The following CHRM5 variants were observed in gnomAD, a reference collection of about 807,000 sequenced individuals.
CHRM5 encodes cholinergic receptor muscarinic 5, also known as muscarinic acetylcholine receptor M5.
Under a neutral mutation model 39.0 loss-of-function variants are expected in CHRM5, and 18 were observed. That is an observed-to-expected ratio of 0.46 (90% CI 0.32 to 0.68). CHRM5 has a LOEUF of 0.68. Among genes scored for constraint, CHRM5 ranks in the 30% least tolerant of loss-of-function variants. CHRM5 has a pLI of 0.04. For synonymous variants in CHRM5, 241 were observed against 246.3 expected, an observed-to-expected ratio of 0.98 and a Z score of 0.20; for missense variants, 515 against 651.1, an observed-to-expected ratio of 0.79 and a Z score of 2.28.
At chr15:34,013,563 G>A (rs1041886514) in intron 1 of CHRM5, among the ~76,000 whole-genome samples, 3 of 152,156 alleles carry the variant, frequency 2.0e-5, no homozygotes, top group African/African-American at 7.2e-5. Context: ...AGTAGTTACT[G>A]ACTTCCAGCA....
chr15:34,029,899 T>C (rs886288670), intron 1 of CHRM5, among the ~76,000 whole-genome samples: 1 of 152,190 alleles, frequency 6.6e-6, no homozygotes, highest in African/African-American at 2.4e-5. Flanking sequence ...GTTGAAACAT[T>C]CTAGTCCTCA....
intron 1 of CHRM5, among the ~76,000 whole-genome samples, chr15:34,043,882 T>C (rs1044905359): frequency 6.6e-6 from 1 of 152,188 alleles, no homozygotes; most frequent in Admixed American, 6.5e-5. Flanking sequence ...TGTACCTATA[T>C]TGTCTGCCTT....
intron 2 of CHRM5, among the ~76,000 whole-genome samples, chr15:34,047,421 A>T (rs1359494051): frequency 6.6e-6 from 1 of 152,154 alleles, no homozygotes; most frequent in Non-Finnish European, 1.5e-5. Flanking sequence ...ATCCCTGGCA[A>T]GGCGGGAGGT....
intron 1 of CHRM5, among the ~76,000 whole-genome samples, chr15:34,014,383 AACAAAAAC>A (rs757731811): frequency 0.24 from 7,259 of 30,330 alleles, 753 homozygotes; most frequent in South Asian, 0.56. Context: ...AAAAAAAAAA[AACAAAAAC>A]AAAAACCACG....
At chr15:34,010,268 A>G (rs1473487062) in intron 1 of CHRM5, among the ~76,000 whole-genome samples, 1 of 152,192 alleles carries the variant, frequency 6.6e-6, no homozygotes, top group Non-Finnish European at 1.5e-5. Context: ...TGGCCCACCT[A>G]TGAACAGTAT....
chr15:34,038,404 G>A (rs1899256672), intron 1 of CHRM5, among the ~76,000 whole-genome samples: 1 of 152,214 alleles, frequency 6.6e-6, no homozygotes, highest in Non-Finnish European at 1.5e-5. Flanking sequence ...CCACGTCGTG[G>A]CCGCGCCTCC....
intron 1 of CHRM5, among the ~76,000 whole-genome samples, chr15:33,981,652 T>C (rs1896149954): frequency 1.3e-5 from 2 of 152,134 alleles, no homozygotes; most frequent in Admixed American, 1.3e-4. Context: ...TGGAATCAGA[T>C]TGAAAGGAAT....
At chr15:34,025,786 G>A (rs2702281) in intron 1 of CHRM5, among the ~76,000 whole-genome samples, 72,056 of 151,844 alleles carry the variant, frequency 0.47, 20,435 homozygotes, top group Non-Finnish European at 0.64. Context: ...GTGTGTGTGC[G>A]CATGTGTAAA....
chr15:34,010,670 AAG>A (rs1228889994), intron 1 of CHRM5, among the ~76,000 whole-genome samples: 2 of 152,238 alleles, frequency 1.3e-5, no homozygotes, highest in Non-Finnish European at 2.9e-5. Context: ...AGAAATGAGA[AAG>A]AACACATTTA....
chr15:33,970,850 CCTT>C (rs1266385267), intron 1 of CHRM5, among the ~76,000 whole-genome samples: 2 of 151,916 alleles, frequency 1.3e-5, no homozygotes, highest in Non-Finnish European at 2.9e-5. Context: ...CTATAACTCA[CCTT>C]CTAATGACAA....
rs60296280 is a variant in CHRM5 at position 34,035,039 on chromosome 15, C to G, written c.-407-11501C>G. On this transcript the variant is annotated intron_variant, in intron 1 of 2. Coordinates refer to ENST00000383263, the MANE Select transcript of CHRM5 (RefSeq NM_012125.4). ...ACACCTGCCTGTAACTGATCTGACA[C>G]CATTTCTTCCCTCCAGGTTCACACT... Among the ~76,000 whole-genome samples, 1,434 of 152,284 alleles carry G rather than the reference C, an allele frequency of 9.4e-3. 28 individuals are homozygous for G. The highest frequency in any genetic ancestry group is 0.033 in the African/African-American group (1,389 of 41,548).
intron 1 of CHRM5, among the ~76,000 whole-genome samples, chr15:33,977,452 C>T (rs1420896078): frequency 6.6e-6 from 1 of 152,108 alleles, no homozygotes; most frequent in African/African-American, 2.4e-5. Flanking sequence ...TAATGAATTC[C>T]GGTTTCAAAC....
chr15:34,007,933 T>G (rs1033594852), intron 1 of CHRM5, among the ~76,000 whole-genome samples: 1 of 152,228 alleles, frequency 6.6e-6, no homozygotes, highest in Non-Finnish European at 1.5e-5. Flanking sequence ...ATCTTCTCCA[T>G]TCTTATGAGG....
chr15:33,974,840 G>C (rs1408906106), intron 1 of CHRM5, among the ~76,000 whole-genome samples: 1 of 152,156 alleles, frequency 6.6e-6, no homozygotes, highest in African/African-American at 2.4e-5. Flanking sequence ...GGGTGTGGTG[G>C]TGCATGCCTG....
intron 1 of CHRM5, among the ~76,000 whole-genome samples, chr15:34,003,363 T>C (rs982336563): frequency 3.3e-5 from 5 of 152,240 alleles, no homozygotes; most frequent in Non-Finnish European, 7.3e-5. Flanking sequence ...AGAATCACAC[T>C]ATACCAGAGT....
chr15:34,059,650 T>G (rs950502683), intron 2 of CHRM5, among the ~76,000 whole-genome samples: 2 of 152,188 alleles, frequency 1.3e-5, no homozygotes, highest in African/African-American at 2.4e-5. Context: ...GCCTCTGGGC[T>G]TACAAACAAG....
chr15:34,036,104 GTT>G (rs34150464), intron 1 of CHRM5, among the ~76,000 whole-genome samples: 36 of 149,038 alleles, frequency 2.4e-4, no homozygotes, highest in Admixed American at 4.0e-4. Context: ...CCAGTTTTGT[GTT>G]TTTTTTTTAA....
chr15:34,037,894 A>G (rs1899223784), intron 1 of CHRM5, among the ~76,000 whole-genome samples: 1 of 152,194 alleles, frequency 6.6e-6, no homozygotes, highest in Non-Finnish European at 1.5e-5. Context: ...AATTTTTTAA[A>G]TCAGTGTGCA....
intron 1 of CHRM5, among the ~76,000 whole-genome samples, chr15:33,989,126 T>C (rs569035): frequency 0.48 from 73,031 of 151,514 alleles, 21,134 homozygotes; most frequent in Non-Finnish European, 0.65. Context: ...GAAGTTAAAA[T>C]AGTTCAACAA....
Sources: allele counts gnomAD v4.1 joint callset (sites outside exome capture counted in the v4.1 genomes callset), GRCh38; gene constraint gnomAD v4.1.1; transcripts MANE v1.5; gene names NCBI Gene and HGNC (gene_info 2026-07-23, HGNC 2026-07-21).